The following FOXN2 variants were observed in gnomAD, a reference collection of about 807,000 sequenced individuals.
FOXN2 encodes forkhead box protein N2.
FOXN2 carries 19 observed loss-of-function variants against 41.2 expected under a neutral mutation model. The observed-to-expected ratio is 0.46, with a 90% CI of 0.32 to 0.68. The LOEUF is 0.68. Among genes scored for constraint, FOXN2 ranks in the 30% least tolerant of loss-of-function variants. The probability of loss-of-function intolerance (pLI) is 0.03; values close to 1 mark genes in which losing one functional copy is unlikely to be tolerated. For missense variants in FOXN2, 587 were observed against 509.4 expected (o/e 1.15, Z -1.47); for synonymous variants, 195 against 176.8 (o/e 1.10, Z -0.82).
chr2:48,314,466 C>T (rs1297352321), upstream of FOXN2, among the ~76,000 whole-genome samples: 3 of 152,256 alleles, frequency 2.0e-5, no homozygotes, highest in Non-Finnish European at 4.4e-5. Flanking sequence ...AGCCGCCGTG[C>T]CAGGCAGCCA....
intron 1 of FOXN2, among the ~76,000 whole-genome samples, chr2:48,319,548 C>G (rs1572689391): frequency 6.6e-6 from 1 of 151,366 alleles, no homozygotes; most frequent in African/African-American, 2.4e-5. Flanking sequence ...GAAATTCTTT[C>G]TAAAATATGT....
At chr2:48,341,513 T>C (rs1239840528) in intron 2 of FOXN2, among the ~76,000 whole-genome samples, 1 of 152,148 alleles carries the variant, frequency 6.6e-6, no homozygotes, top group Non-Finnish European at 1.5e-5. Flanking sequence ...AAAACATATA[T>C]GAAATTTGTC....
intron 2 of FOXN2, among the ~76,000 whole-genome samples, chr2:48,339,180 C>G (rs1670571473): frequency 6.6e-6 from 1 of 152,038 alleles, no homozygotes; most frequent in South Asian, 2.1e-4. Flanking sequence ...TGTTACTAGC[C>G]TGGGAAATGC....
At chr2:48,315,286 G>A (rs1443848009) in intron 1 of FOXN2, among the ~76,000 whole-genome samples, 1 of 152,172 alleles carries the variant, frequency 6.6e-6, no homozygotes, top group Non-Finnish European at 1.5e-5. Context: ...AGCGAGACAT[G>A]TCGGGCTCGG....
At chr2:48,365,205 T>A (rs1225890353) in intron 5 of FOXN2, among the ~76,000 whole-genome samples, 1 of 152,174 alleles carries the variant, frequency 6.6e-6, no homozygotes, top group Non-Finnish European at 1.5e-5. Flanking sequence ...TGTGCTGATA[T>A]CTTTAAAAAT....
intron 4 of FOXN2, among the ~76,000 whole-genome samples, chr2:48,362,002 TTCCA>T (rs1463684563): frequency 3.3e-5 from 5 of 152,184 alleles, no homozygotes; most frequent in African/African-American, 1.2e-4. Context: ...TTATCTATAG[TTCCA>T]GGCATTTTAA....
chr2:48,325,407 ATG>A (rs141117347), intron 1 of FOXN2, among the ~76,000 whole-genome samples: 1,824 of 152,086 alleles, frequency 0.012, 25 homozygotes, highest in South Asian at 0.059. Context: ...CTTTCATTTT[ATG>A]TGTGTGTGTG....
chr2:48,370,142 G>A (rs1672794125), intron 5 of FOXN2, among the ~76,000 whole-genome samples: 1 of 152,144 alleles, frequency 6.6e-6, no homozygotes, highest in Admixed American at 6.5e-5. Flanking sequence ...CTGAAATTCA[G>A]CCCACATTCC....
intron 2 of FOXN2, among the ~76,000 whole-genome samples, chr2:48,338,873 A>T (rs1165348434): frequency 6.6e-6 from 1 of 152,180 alleles, no homozygotes; most frequent in East Asian, 1.9e-4. Context: ...CTACCATATG[A>T]AAGTAAAGAA....
At position 48,376,766 on chromosome 2, in the gene FOXN2, A is replaced by G. The variant is rs186326613; in HGVS notation, c.*1323A>G. ...AAACAATAGGATGCTAAACTAATTC[A>G]TTGTATCTTTTTTTTACAATGGTGG... is the stretch of plus-strand genomic sequence containing the variant. On this transcript the variant is annotated 3_prime_UTR_variant, in exon 7 of 7. Transcript: ENST00000340553. 11 of 152,580 alleles carry G rather than the reference A, an allele frequency of 7.2e-5. No individual in the cohort carries two copies. Among genetic ancestry groups the G allele is most frequent in the African/African-American group, 1.9e-4 (8 of 41,562 alleles). 9.5% of individuals were successfully genotyped at this position (152,580 alleles called of 1,614,324 possible).
At position 48,346,352 on chromosome 2, in the gene FOXN2, A is replaced by C. The variant is rs747452547; in HGVS notation, c.138A>C (p.Leu46=). The C allele has an allele frequency of 6.2e-7, 1 of 1,614,204 alleles. No individual in the cohort carries two copies. ...AVDAARPKAT[L]VDSESADDEL... ...ATGCTGCCAGGCCGAAGGCCACTCTAGTGGACAGTGAGTCAGCAGATGATG... is the reference window on the plus strand; with the variant it reads ...ATGCTGCCAGGCCGAAGGCCACTCTCGTGGACAGTGAGTCAGCAGATGATG... Residue 46 remains leucine, a synonymous_variant, in exon 3 of 7, where the codon CTA becomes CTC. Coordinates refer to ENST00000340553, the MANE Select transcript of FOXN2 (RefSeq NM_002158.4).
At chr2:48,323,792 T>G (rs1669492704) in intron 1 of FOXN2, among the ~76,000 whole-genome samples, 1 of 152,196 alleles carries the variant, frequency 6.6e-6, no homozygotes, top group Non-Finnish European at 1.5e-5. Context: ...AGTCATAAAT[T>G]CTTGTTCAGG....
intron 5 of FOXN2, among the ~76,000 whole-genome samples, chr2:48,372,728 G>C (rs1367747867): frequency 6.6e-6 from 1 of 151,894 alleles, no homozygotes; most frequent in Non-Finnish European, 1.5e-5. Flanking sequence ...GTACATGTAG[G>C]CTTGTGTATA....
At chr2:48,360,636 C>A (rs919787272) in intron 4 of FOXN2, among the ~76,000 whole-genome samples, 8 of 151,894 alleles carry the variant, frequency 5.3e-5, no homozygotes, top group Admixed American at 3.3e-4. Flanking sequence ...GAAATGAAAC[C>A]TAGAAAAGAA....
chr2:48,375,165 G>A lies in FOXN2; in HGVS notation c.1018G>A (p.Gly340Arg). The change falls in exon 7 of 7, where the codon GGA becomes AGA. Residue 340 changes from glycine to arginine, a missense_variant. Coordinates refer to ENST00000340553, the MANE Select transcript of FOXN2 (RefSeq NM_002158.4). Reference sequence around the variant, plus strand: ...ATTTATCCCAAAGAATAGTCACGTGGGAAGTGATGGCAGTGAAGGATTTCA... The same window carrying A: ...ATTTATCCCAAAGAATAGTCACGTGAGAAGTGATGGCAGTGAAGGATTTCA... ...YEFIPKNSHV[G>R]SDGSEGFHSE... is the part of the protein sequence containing the mutation. The A allele has an allele frequency of 6.2e-7, 1 of 1,614,124 alleles. No homozygotes were observed. Among genetic ancestry groups the A allele is most frequent in the Non-Finnish European group, 8.5e-7 (1 of 1,180,012 alleles).
At chr2:48,324,172 G>A (rs540376074) in intron 1 of FOXN2, among the ~76,000 whole-genome samples, 6 of 151,202 alleles carry the variant, frequency 4.0e-5, no homozygotes, top group South Asian at 4.2e-4. Context: ...TATTCTGTAC[G>A]TGAATGACAA....
intron 1 of FOXN2, among the ~76,000 whole-genome samples, chr2:48,316,664 A>G (rs951642676): frequency 6.6e-6 from 1 of 152,216 alleles, no homozygotes; most frequent in African/African-American, 2.4e-5. Context: ...TAAAAGTAGA[A>G]GGTCAAAGAG....
chr2:48,363,081 G>T (rs1411519629), intron 5 of FOXN2, among the ~76,000 whole-genome samples: 1 of 152,062 alleles, frequency 6.6e-6, no homozygotes, highest in Non-Finnish European at 1.5e-5. Context: ...CCTCACACAG[G>T]TCCTTTAGGA....
chr2:48,340,066 C>T (rs1292880170), intron 2 of FOXN2, among the ~76,000 whole-genome samples: 1 of 152,086 alleles, frequency 6.6e-6, no homozygotes, highest in Non-Finnish European at 1.5e-5. Context: ...TTTAAGGATT[C>T]TAACATCTGG....
Sources: allele counts gnomAD v4.1 joint callset (sites outside exome capture counted in the v4.1 genomes callset), GRCh38; gene constraint gnomAD v4.1.1; transcripts MANE v1.5; gene names NCBI Gene and HGNC (gene_info 2026-07-23, HGNC 2026-07-21).